PILRB: variants seen among roughly 807,000 people sequenced by gnomAD.
The protein encoded by PILRB is paired immunoglobin like type 2 receptor beta, also known as paired immunoglobulin-like type 2 receptor beta.
In PILRB, 21 loss-of-function variants were observed where a neutral mutation model predicts 20.5. The observed-to-expected ratio is 1.02, with a 90% confidence interval of 0.72 to 1.47. The LOEUF (loss-of-function observed/expected upper bound fraction) is 1.47. Ranked by LOEUF, PILRB falls within the 40% of genes most tolerant of loss-of-function variation. The pLI is 0.00. For missense variants in PILRB, 253 were observed against 272.1 expected (o/e 0.93, Z 0.49); for synonymous variants, 133 against 115.1 (o/e 1.16, Z -0.99).
Position 100,358,761 on chromosome 7 carries a change from G to T in PILRB, c.136G>T (p.Gly46Cys). ...TQPKHLSASM[G>C]GSVEIPFSFY... Reference sequence around the variant, plus strand: ...ACCAAAACACCTCTCAGCCTCCATGGGTGGCTCTGTGGAAATCCCCTTCTC... The same window carrying T: ...ACCAAAACACCTCTCAGCCTCCATGTGTGGCTCTGTGGAAATCCCCTTCTC... Residue 46 changes from glycine to cysteine, a missense_variant, in exon 2 of 4, where the codon GGT (glycine) becomes TGT (cysteine). Coordinates refer to ENST00000609309, the MANE Select transcript of PILRB (RefSeq NM_178238.4). The T allele has an allele frequency of 6.2e-7, 1 of 1,613,924 alleles. No homozygotes were observed. The highest frequency in any genetic ancestry group is 8.5e-7 in the Non-Finnish European group (1 of 1,179,892).
At chr7:100,359,174 G>A in intron 2 of PILRB, 95 bp downstream of exon 2, 2 of 1,559,412 alleles carry the variant, frequency 1.3e-6, no homozygotes, top group South Asian at 1.1e-5. Context: ...GGTCTGGATT[G>A]AGAGCTGTTA....
chr7:100,358,645 G>A (rs763403603), intron 1 of PILRB, 45 bp from the exon 2 acceptor site: 1 of 1,598,234 alleles, frequency 6.3e-7, no homozygotes, highest in Non-Finnish European at 8.5e-7. Flanking sequence ...TGTGTCCTGA[G>A]GTGGTTTCAA....
chr7:100,359,095 C>G lies in PILRB; in HGVS notation c.454+16C>G. On this transcript the variant is annotated intron_variant, in intron 2 of 3. Coordinates refer to ENST00000609309, the MANE Select transcript of PILRB (RefSeq NM_178238.4). ...ATCACCCAGGGTGAGTCCAGCTGCC[C>G]TGACACCTGCCTTGCCCACCGCAGT... 6.2e-7 allele frequency: 1 copy of G among 1,613,748 alleles called. No homozygotes were observed. The highest frequency in any genetic ancestry group is 1.7e-5 in the Admixed American group (1 of 60,018).
chr7:100,362,757 C>T (rs1584199906), intron 3 of PILRB, among the ~76,000 whole-genome samples: 1 of 152,180 alleles, frequency 6.6e-6, no homozygotes, highest in South Asian at 2.1e-4. Context: ...GATCCGCCCA[C>T]CTTGGCCTCC....
intron 3 of PILRB, among the ~76,000 whole-genome samples, chr7:100,360,113 C>T (rs895524454): frequency 1.3e-5 from 2 of 152,232 alleles, no homozygotes; most frequent in Non-Finnish European, 2.9e-5. Flanking sequence ...ATCATCCACG[C>T]TCCCCTGAAG....
chr7:100,358,459 G>A, intron 1 of PILRB, 93 bp downstream of exon 1: 8 of 1,478,354 alleles, frequency 5.4e-6, no homozygotes, highest in Non-Finnish European at 5.5e-6. Flanking sequence ...GCAGGGGCCA[G>A]GCTCCCACCT....
In PILRB at chr7:100,367,548, C is replaced by T. The variant is rs965006069; in HGVS notation, c.*171C>T. 27 of 620,910 alleles carry T rather than the reference C, an allele frequency of 4.3e-5. No individual in the cohort carries two copies. Among genetic ancestry groups the T allele is most frequent in the South Asian group, 1.9e-4 (10 of 52,476 alleles). 38.5% of individuals were successfully genotyped at this position (620,910 alleles called of 1,614,324 possible). ...GAAGGAGGCTGGGTCCCTGAATCACCGACTGGAGGAGAGTTACCTACAAGA... is the reference window on the plus strand; with the variant it reads ...GAAGGAGGCTGGGTCCCTGAATCACTGACTGGAGGAGAGTTACCTACAAGA... On this transcript the variant is annotated 3_prime_UTR_variant, in exon 4 of 4. Transcript: ENST00000609309.
intron 3 of PILRB, 60 bp downstream of exon 3, chr7:100,359,597 A>G (rs1790471708): frequency 7.0e-7 from 1 of 1,423,996 alleles, no homozygotes; most frequent in Non-Finnish European, 9.9e-7. Flanking sequence ...CTCTGAGCCC[A>G]CCTGCAGCTA....
At chr7:100,361,950 T>G (rs1346054640) in intron 3 of PILRB, among the ~76,000 whole-genome samples, 2 of 152,114 alleles carry the variant, frequency 1.3e-5, no homozygotes, top group African/African-American at 2.4e-5. Context: ...AAAATACTGA[T>G]AAATTTAACT....
intron 2 of PILRB, 31 bp downstream of exon 2, chr7:100,359,110 C>T: frequency 6.2e-7 from 1 of 1,613,032 alleles, no homozygotes. Flanking sequence ...ACCTGCCTTG[C>T]CCACCGCAGT....
chr7:100,365,104 AT>A (rs554352195), intron 3 of PILRB, among the ~76,000 whole-genome samples: 37 of 152,228 alleles, frequency 2.4e-4, no homozygotes, highest in African/African-American at 8.4e-4. Flanking sequence ...GGTTCAAGGG[AT>A]TCTCTTGGCT....
rs1790417068 is a variant in PILRB, at chr7:100,358,246, C to G, written c.-57C>G. 1.2e-6 allele frequency: 2 copies of G among 1,602,960 alleles called. No homozygotes were observed. Among genetic ancestry groups the G allele is most frequent in the Admixed American group, 1.7e-5 (1 of 59,970 alleles). ...CCTCAGGCAGCCCCTCCACAGGGCC[C>G]CTCTCCTGCCTGGACAGCTCTGCTG... On this transcript the variant is annotated 5_prime_UTR_variant, in exon 1 of 4. Transcript: ENST00000609309.
In PILRB at chr7:100,359,043, C is replaced by T; in HGVS notation, c.418C>T (p.Gln140Ter). ...CCGGAGATCAGGGAGGCAGCAGTTG[C>T]AGTCCATCAAGGGGACCAAACTCAC... ...DTRRSGRQQLQSIKGTKLTIT... is the reference protein window; with the variant it reads ...DTRRSGRQQL Residue 140 changes from glutamine (Q) to a stop codon, truncating the protein, a stop_gained, in exon 2 of 4, where the codon CAG becomes TAG. Coordinates refer to ENST00000609309, the MANE Select transcript of PILRB (RefSeq NM_178238.4). LOFTEE classifies it high-confidence loss of function. 3 of 1,614,132 alleles carry T rather than the reference C, an allele frequency of 1.9e-6. No homozygotes were observed. The highest frequency in any genetic ancestry group is 2.5e-6 in the Non-Finnish European group (3 of 1,180,028).
intron 3 of PILRB, among the ~76,000 whole-genome samples, chr7:100,366,434 C>G (rs1477047091): frequency 6.6e-6 from 1 of 151,800 alleles, no homozygotes. Flanking sequence ...GGACGTGGAG[C>G]CCTCCCAGGA....
chr7:100,363,405 TAAG>T (rs1278006435), intron 3 of PILRB, among the ~76,000 whole-genome samples: 4 of 152,052 alleles, frequency 2.6e-5, no homozygotes, highest in Non-Finnish European at 5.9e-5. Context: ...AAAAGAAAAT[TAAG>T]AAAACAATTC....
chr7:100,358,716 T>C lies in PILRB; in HGVS notation c.91T>C (p.Tyr31His). The change falls in exon 2 of 4, where the codon TAC becomes CAC. Residue 31 changes from tyrosine to histidine, a missense_variant. Coordinates refer to ENST00000609309, the MANE Select transcript of PILRB (RefSeq NM_178238.4). ...TGGCTCCACAGGATCTGGTCCAAGC[T>C]ACCTTTATGGGGTCACTCAACCAAA... ...PGGSTGSGPSYLYGVTQPKHL... is the reference protein window; with the variant it reads ...PGGSTGSGPSHLYGVTQPKHL... 1 of 1,614,008 alleles carries C rather than the reference T, an allele frequency of 6.2e-7. No individual in the cohort carries two copies. Among genetic ancestry groups the C allele is most frequent in the Non-Finnish European group, 8.5e-7 (1 of 1,179,914 alleles).
intron 3 of PILRB, among the ~76,000 whole-genome samples, chr7:100,360,915 C>T (rs574095870): frequency 2.6e-5 from 4 of 151,920 alleles, no homozygotes; most frequent in Admixed American, 6.6e-5. Flanking sequence ...TCGTTTAGTT[C>T]GGAATTTGTT....
rs1260133532 is a variant in PILRB, at chr7:100,358,386, C to T, written c.64+20C>T. 2 of 1,610,718 alleles carry T rather than the reference C, an allele frequency of 1.2e-6. No homozygotes were observed. Among genetic ancestry groups the T allele is most frequent in the South Asian group, 2.2e-5 (2 of 91,054 alleles). On this transcript the variant is annotated intron_variant, in intron 1 of 3. Transcript: ENST00000609309. ...AGCCTGGTGAGTACCCAGGACCGCCCAGGTATGGTCTCTGCCCAAACCACA... is the reference window on the plus strand; with the variant it reads ...AGCCTGGTGAGTACCCAGGACCGCCTAGGTATGGTCTCTGCCCAAACCACA...
At chr7:100,359,181 G>A (rs756586525) in intron 2 of PILRB, 102 bp downstream of exon 2, 8 of 1,546,176 alleles carry the variant, frequency 5.2e-6, no homozygotes, top group Non-Finnish European at 7.1e-6. Context: ...ATTGAGAGCT[G>A]TTAGCATTTC....
Sources: gnomAD v4.1 joint callset for allele counts (sites outside exome capture counted in the v4.1 genomes callset) on GRCh38, gnomAD v4.1.1 for gene constraint, MANE v1.5 for transcripts, NCBI Gene and HGNC (gene_info 2026-07-23, HGNC 2026-07-21) for gene names.